The following NCKAP5L variants were observed in gnomAD, a reference collection of about 807,000 sequenced individuals.
NCKAP5L encodes the protein NCK associated protein 5 like, also known as nck-associated protein 5-like.
NCKAP5L carries 54 observed loss-of-function variants against 103.2 expected under a neutral mutation model. That is an observed-to-expected ratio of 0.52 (90% CI 0.42 to 0.66). NCKAP5L has a LOEUF of 0.66. Among genes scored for constraint, NCKAP5L ranks in the 30% least tolerant of loss-of-function variants. NCKAP5L has a pLI of 0.00. For synonymous variants in NCKAP5L, 762 were observed against 748.6 expected (o/e 1.02, Z -0.29); for missense variants, 1,733 against 1,750.6 (o/e 0.99, Z 0.18).
At chr12:49,808,085 C>T (rs1946200219) in intron 1 of NCKAP5L, among the ~76,000 whole-genome samples, 1 of 152,210 alleles carries the variant, frequency 6.6e-6, no homozygotes, top group South Asian at 2.1e-4. Context: ...GCTGCGGACT[C>T]TCTATGTGTG....
intron 1 of NCKAP5L, among the ~76,000 whole-genome samples, chr12:49,820,729 A>G (rs1565597192): frequency 6.6e-6 from 1 of 152,210 alleles, no homozygotes; most frequent in Non-Finnish European, 1.5e-5. Context: ...CAGAGCCCAG[A>G]GGTGACACCC....
rs1945971338 is a variant in NCKAP5L, at chr12:49,793,341, AC to A, written c.3340+10del. 1 of 1,604,234 alleles carries A rather than the reference AC, an allele frequency of 6.2e-7. No homozygotes were observed. Among genetic ancestry groups the A allele is most frequent in the African/African-American group, 1.3e-5 (1 of 74,848 alleles). ...GGGGCAGGCCCATCCTCAGCCCCTG[AC>A]CCTGCTGACCTGTGAAGTGTGAGGT... On this transcript the variant is annotated intron_variant, in intron 10 of 12. Coordinates refer to ENST00000335999, the MANE Select transcript of NCKAP5L (RefSeq NM_001037806.4).
At chr12:49,799,476 AT>A (rs1946095477) in intron 6 of NCKAP5L, among the ~76,000 whole-genome samples, 1 of 151,930 alleles carries the variant, frequency 6.6e-6, no homozygotes, top group African/African-American at 2.4e-5. Flanking sequence ...TGCCTGGCTA[AT>A]TAAAAAAAAA....
chr12:49,798,373 C>T lies in NCKAP5L; in HGVS notation c.442G>A (p.Gly148Arg), dbSNP rs376574891. 10 of 1,564,154 alleles carry T rather than the reference C, an allele frequency of 6.4e-6. No homozygotes were observed. Among genetic ancestry groups the T allele is most frequent in the Non-Finnish European group, 7.8e-6 (9 of 1,153,656 alleles). Reference protein sequence around the residue: ...TEGPAAPLPLGHCAGQREVCW... With the variant: ...TEGPAAPLPLRHCAGQREVCW... The stretch of plus-strand genomic sequence containing the variant: ...ACCTCTCTCTGCCCAGCACAGTGCC[C>T]CAGAGGCAGCGGGGCAGCCGGTCCC... Residue 148 changes from glycine (G) to arginine (R), a missense_variant, in exon 7 of 13, where the codon GGG becomes AGG. Physicochemically the swap from Gly to Arg is moderately radical, Grantham distance 125. Transcript: ENST00000335999.
intron 1 of NCKAP5L, among the ~76,000 whole-genome samples, chr12:49,806,671 G>T (rs1474411101): frequency 1.3e-5 from 2 of 152,158 alleles, no homozygotes; most frequent in Non-Finnish European, 2.9e-5. Flanking sequence ...GACAGGCCTA[G>T]ATTTTCCCAC....
intron 1 of NCKAP5L, among the ~76,000 whole-genome samples, chr12:49,806,828 A>G (rs1005445511): frequency 1.3e-5 from 2 of 152,236 alleles, no homozygotes; most frequent in Non-Finnish European, 2.9e-5. Context: ...CTCACTTGTA[A>G]AACAGGGATA....
intron 6 of NCKAP5L, among the ~76,000 whole-genome samples, chr12:49,799,599 G>A (rs1331599829): frequency 1.3e-5 from 2 of 152,126 alleles, no homozygotes; most frequent in Non-Finnish European, 2.9e-5. Flanking sequence ...TTATAGGCGT[G>A]AGCTACCGCG....
rs530344660 is a variant in NCKAP5L, at chr12:49,820,378, G to A, written c.-99+7944C>T. ...GTCGCCCAGGCTGGAAGGCAGTGGC[G>A]CGATCTCGGCTCACTGCAACCTCCA... On this transcript the variant is annotated intron_variant, in intron 1 of 12. Transcript: ENST00000335999. Among the ~76,000 whole-genome samples the A allele has an allele frequency of 4.7e-5, 7 of 149,152 alleles. No individual in the cohort carries two copies. The South Asian group carries it at 1.3e-3, about 27-fold the overall frequency.
At position 49,797,338 on chromosome 12, in the gene NCKAP5L, G is replaced by T; in HGVS notation, c.522C>A (p.Pro174=). ...ACGGGGATAGGGCATCCAGCGCTGG[G>T]GGTGGGGCGGCTGGGGGGCCTGGGC... is the stretch of plus-strand genomic sequence containing the variant. The part of the protein sequence containing the change: ...PGGPGPPAAP[P]PALDALSPFL... Residue 174 remains proline (P), a synonymous_variant, in exon 8 of 13, where the codon CCC becomes CCA. Transcript: ENST00000335999. This position sits in a 1 kb window ranked among gnomAD's most constrained non-coding sequence, Gnocchi z 4.5. 1 of 1,612,352 alleles carries T rather than the reference G, an allele frequency of 6.2e-7. No homozygotes were observed. The highest frequency in any genetic ancestry group is 8.5e-7 in the Non-Finnish European group (1 of 1,179,622).
intron 1 of NCKAP5L, among the ~76,000 whole-genome samples, chr12:49,812,272 C>T (rs979595628): frequency 6.6e-6 from 1 of 152,146 alleles, no homozygotes; most frequent in Non-Finnish European, 1.5e-5. Context: ...CATGTGAATT[C>T]AATCATATCA....
In NCKAP5L at chr12:49,804,032, T is replaced by G. The variant is rs1250114266; in HGVS notation, c.13A>C (p.Met5Leu). The G allele has an allele frequency of 6.2e-7, 1 of 1,610,970 alleles. No individual in the cohort carries two copies. The highest frequency in any genetic ancestry group is 1.7e-5 in the Admixed American group (1 of 60,014). Residue 5 changes from methionine to leucine, a missense_variant, in exon 3 of 13, where the codon ATG becomes CTG. By Grantham distance (15) the Met-to-Leu change is conservative (BLOSUM62 2). Coordinates refer to ENST00000335999, the MANE Select transcript of NCKAP5L (RefSeq NM_001037806.4). The part of the protein sequence containing the change: MSEA[M>L]DQPAGGPGNP... The stretch of plus-strand genomic sequence containing the variant: ...CCAGGACCCCCAGCTGGCTGGTCCA[T>G]GGCCTCTGACATCTGGCCCTGGGAA...
At chr12:49,817,089 G>C (rs962188785) in intron 1 of NCKAP5L, among the ~76,000 whole-genome samples, 1 of 151,948 alleles carries the variant, frequency 6.6e-6, no homozygotes, top group African/African-American at 2.4e-5. Context: ...TTGGGAATAA[G>C]TTTAACCAAG....
rs552141015 is a variant in NCKAP5L at position 49,795,862 on chromosome 12, C to T, written c.1998G>A (p.Ala666=). The T allele has an allele frequency of 1.9e-5, 30 of 1,567,032 alleles. No individual in the cohort carries two copies. Among genetic ancestry groups the T allele is most frequent in the Admixed American group, 1.2e-4 (6 of 51,200 alleles). The change falls in exon 8 of 13, where the codon GCG becomes GCA. Residue 666 remains alanine (A), a synonymous_variant. Transcript: ENST00000335999. ...PGSTPLRDRL[A]ALGKLKTGPE... is the part of the protein sequence containing the mutation. Reference sequence around the variant, plus strand: ...GGCCTGTCTTCAGCTTCCCCAGGGCCGCCAGTCTGTCCCGCAGAGGTGTGC... The same window carrying T: ...GGCCTGTCTTCAGCTTCCCCAGGGCTGCCAGTCTGTCCCGCAGAGGTGTGC...
At position 49,797,273 on chromosome 12, in the gene NCKAP5L, G is replaced by A. The variant is rs1448431815; in HGVS notation, c.587C>T (p.Ala196Val). The A allele has an allele frequency of 3.1e-6, 5 of 1,613,512 alleles. No homozygotes were observed. The highest frequency in any genetic ancestry group is 2.2e-5 in the East Asian group (1 of 44,856). Residue 196 changes from alanine (A) to valine (V), a missense_variant, in exon 8 of 13, where the codon GCC becomes GTC. Physicochemically the swap from Ala to Val is moderately conservative, Grantham distance 64. Transcript: ENST00000335999. This position sits in a 1 kb window ranked among gnomAD's most constrained non-coding sequence, Gnocchi z 4.5. Reference sequence around the variant, plus strand: ...AAGCAAGGGGTCAGTCTCTTCCAGGGCTCTCAGCACCTCCAGAATCTGGGC... The same window carrying A: ...AAGCAAGGGGTCAGTCTCTTCCAGGACTCTCAGCACCTCCAGAATCTGGGC... Reference protein sequence around the residue: ...KKAQILEVLRALEETDPLLLC... With the variant: ...KKAQILEVLRVLEETDPLLLC...
rs761096445 is a variant in NCKAP5L at position 49,796,761 on chromosome 12, G to A, written c.1099C>T (p.Pro367Ser). Residue 367 changes from proline to serine, a missense_variant, in exon 8 of 13, where the codon CCC becomes TCC. Coordinates refer to ENST00000335999, the MANE Select transcript of NCKAP5L (RefSeq NM_001037806.4). ...PGQSSSPDQAPPQLSKSKGLP... is the reference protein window; with the variant it reads ...PGQSSSPDQASPQLSKSKGLP... ...CCTTTGGACTTAGACAGCTGTGGGG[G>A]CGCCTGGTCTGGGGAGGATGACTGC... 6.2e-7 allele frequency: 1 copy of A among 1,613,466 alleles called. No individual in the cohort carries two copies. The highest frequency in any genetic ancestry group is 8.5e-7 in the Non-Finnish European group (1 of 1,179,730).
chr12:49,795,905 C>G lies in NCKAP5L; in HGVS notation c.1955G>C (p.Arg652Pro). 6.5e-7 allele frequency: 1 copy of G among 1,533,472 alleles called. No homozygotes were observed. The highest frequency in any genetic ancestry group is 1.3e-5 in the South Asian group (1 of 76,956). 95.0% of individuals were successfully genotyped at this position (1,533,472 alleles called of 1,614,324 possible). Reference sequence around the variant, plus strand: ...AGGTGTGCTGCCAGGATCCCCAGGTCGCCGTCCTGACCCCTGGCTGGGCTT... The same window carrying G: ...AGGTGTGCTGCCAGGATCCCCAGGTGGCCGTCCTGACCCCTGGCTGGGCTT... Reference protein sequence around the residue: ...SKKPSQGSGRRPGDPGSTPLR... With the variant: ...SKKPSQGSGRPPGDPGSTPLR... The change falls in exon 8 of 13, where the codon CGA (arginine) becomes CCA (proline). Residue 652 changes from arginine to proline, a missense_variant. Coordinates refer to ENST00000335999, the MANE Select transcript of NCKAP5L (RefSeq NM_001037806.4).
Position 49,796,584 on chromosome 12 carries a change from A to G in NCKAP5L, c.1276T>C (p.Ser426Pro). ...PLGSRPGHPH[S>P]SSQVKSKLQI... ...AGCTTGCTTTTCACCTGAGATGAGG[A>G]ATGGGGGTGGCCAGGCCGAGAGCCC... Residue 426 changes from serine to proline, a missense_variant, in exon 8 of 13, where the codon TCC becomes CCC. Physicochemically the swap from Ser to Pro is moderately conservative, Grantham distance 74. Coordinates refer to ENST00000335999, the MANE Select transcript of NCKAP5L (RefSeq NM_001037806.4). 1 of 1,603,456 alleles carries G rather than the reference A, an allele frequency of 6.2e-7. No homozygotes were observed. Among genetic ancestry groups the G allele is most frequent in the African/African-American group, 1.3e-5 (1 of 74,578 alleles).
chr12:49,800,585 T>A (rs1037851678), intron 6 of NCKAP5L, among the ~76,000 whole-genome samples: 22 of 152,360 alleles, frequency 1.4e-4, no homozygotes, highest in African/African-American at 5.1e-4. Context: ...TCTCATTGAA[T>A]CTTCACGTCA....
Position 49,795,499 on chromosome 12 carries a change from G to A in NCKAP5L, c.2361C>T (p.Cys787=), listed in dbSNP as rs758497110. ...TGGCAGGGGTACGGGGTACCTGGGG[G>A]CACAGGGCCCCTGCCAGCCGGCTCT... ...LAKSRLAGAL[C]PQVPRTPAKV... is the part of the protein sequence containing the mutation. Residue 787 remains cysteine (C), a synonymous_variant, in exon 8 of 13, where the codon TGC becomes TGT. Transcript: ENST00000335999. The A allele has an allele frequency of 2.6e-6, 4 of 1,532,380 alleles. No individual in the cohort carries two copies. The highest frequency in any genetic ancestry group is 3.5e-6 in the Non-Finnish European group (4 of 1,144,780). 94.9% of individuals were successfully genotyped at this position (1,532,380 alleles called of 1,614,324 possible). A position where few individuals can be genotyped will look rare whatever the true frequency, so the allele number is the denominator to read the frequency against.
Sources: allele counts gnomAD v4.1 joint callset (sites outside exome capture counted in the v4.1 genomes callset), GRCh38; gene constraint gnomAD v4.1.1; non-coding constraint Gnocchi (gnomAD v3.1); transcripts MANE v1.5; gene names NCBI Gene and HGNC (gene_info 2026-07-23, HGNC 2026-07-21).